ERO1A: variants seen among roughly 807,000 people sequenced by gnomAD.
The protein encoded by ERO1A is endoplasmic reticulum oxidoreductase 1 alpha, also known as ERO1-like protein alpha.
In ERO1A, 49 loss-of-function variants were observed where a neutral mutation model predicts 76.9. That is an observed-to-expected ratio of 0.64 (90% CI 0.51 to 0.81). ERO1A has a LOEUF of 0.81. ERO1A is among the 30% of genes least tolerant of loss of function. The pLI, the probability that ERO1A is intolerant of heterozygous loss-of-function variation, is 0.00. For missense variants in ERO1A, 448 were observed against 542.1 expected (o/e 0.83, Z 1.72); for synonymous variants, 174 against 181.2 (o/e 0.96, Z 0.32).
At position 52,661,279 on chromosome 14, in the gene ERO1A, TA is replaced by T; in HGVS notation, c.688+13del. ...ACAAATTCATATATGTAATATATAA[TA>T]AATTATACTTACCTTCACTTGTCCC... On this transcript the variant is annotated intron_variant, in intron 9 of 15. Transcript: ENST00000395686. The T allele has an allele frequency of 1.7e-6, 2 of 1,165,652 alleles. No individual in the cohort carries two copies. The highest frequency in any genetic ancestry group is 2.6e-5 in the Admixed American group (1 of 38,650). The allele number at this position is 1,165,652 out of a possible 1,614,324, so 72.2% of individuals were successfully genotyped here.
In ERO1A at chr14:52,682,404, TTTACCTGTA is replaced by T; in HGVS notation, c.235-5_238del. On this transcript the variant is annotated splice_acceptor_variant and splice_polypyrimidine_tract_variant and coding_sequence_variant and intron_variant, in exon 3 of 16. Transcript: ENST00000395686. LOFTEE classifies it high-confidence loss of function. ...CCAGAAAGGACACGGCCTCTTCAGG[TTTACCTGTA>T]AAATAATAATAGAAAAAAAATTATA... 1 of 1,600,728 alleles carries T rather than the reference TTTACCTGTA, an allele frequency of 6.2e-7. No homozygotes were observed. Among genetic ancestry groups the T allele is most frequent in the Non-Finnish European group, 8.5e-7 (1 of 1,172,274 alleles).
At position 52,683,826 on chromosome 14, in the gene ERO1A, G is replaced by A; in HGVS notation, c.196C>T (p.Gln66Ter). 1 of 1,560,256 alleles carries A rather than the reference G, an allele frequency of 6.4e-7. No individual in the cohort carries two copies. ...FNNYRLFPRL[Q>*]KLLESDYFRY... is the part of the protein sequence containing the mutation. ...AAGTAGTCACTTTCAAGAAGTTTTT[G>A]TAGTCTTGGGAAAAGCCTGTAGTTA... Residue 66 changes from glutamine to a stop codon, truncating the protein, a stop_gained, in exon 2 of 16, where the codon CAA becomes TAA. Coordinates refer to ENST00000395686, the MANE Select transcript of ERO1A (RefSeq NM_014584.3). LOFTEE classifies it high-confidence loss of function.
At chr14:52,655,145 T>A (rs576800955) in intron 11 of ERO1A, among the ~76,000 whole-genome samples, 1 of 152,258 alleles carries the variant, frequency 6.6e-6, no homozygotes, top group Non-Finnish European at 1.5e-5. Flanking sequence ...GGCAGGTGGA[T>A]CACGAGGTCA....
chr14:52,665,173 G>T (rs936573126), intron 7 of ERO1A, among the ~76,000 whole-genome samples: 1 of 151,574 alleles, frequency 6.6e-6, no homozygotes, highest in Non-Finnish European at 1.5e-5. Context: ...GTGGTGGCGT[G>T]TGCCTGTAGT....
intron 1 of ERO1A, among the ~76,000 whole-genome samples, chr14:52,685,944 T>C (rs893597151): frequency 6.6e-6 from 1 of 152,172 alleles, no homozygotes; most frequent in African/African-American, 2.4e-5. Flanking sequence ...TCAATAATTA[T>C]TTGTGGCCTG....
rs183690864 is a variant in ERO1A at position 52,684,823 on chromosome 14, G to A, written c.115-916C>T. 3.4e-3 allele frequency among the ~76,000 whole-genome samples: 513 copies of A among 150,244 alleles called. 5 individuals carry two copies. Among genetic ancestry groups the A allele is most frequent in the African/African-American group, 0.012 (503 of 40,858 alleles). ...TCTTTTTTTTTCTTTTTTCACCAGTGTTACTTGCCAAATTAAACTAAAATT... is the reference window on the plus strand; with the variant it reads ...TCTTTTTTTTTCTTTTTTCACCAGTATTACTTGCCAAATTAAACTAAAATT... On this transcript the variant is annotated intron_variant, in intron 1 of 15. Transcript: ENST00000395686.
chr14:52,641,136 GA>G lies in ERO1A; in HGVS notation c.*2433del, dbSNP rs1270581677. On this transcript the variant is annotated 3_prime_UTR_variant, in exon 16 of 16. Coordinates refer to ENST00000395686, the MANE Select transcript of ERO1A (RefSeq NM_014584.3). ...GGGGTTGTCAAAAATGTCAAATACA[GA>G]AAAAAAGTCAAGTACTAGCTTGTGA... 1 of 151,834 alleles carries G rather than the reference GA, an allele frequency of 6.6e-6. No individual in the cohort carries two copies. The highest frequency in any genetic ancestry group is 1.5e-5 in the Non-Finnish European group (1 of 67,930). 9.4% of individuals were successfully genotyped at this position (151,834 alleles called of 1,614,324 possible).
rs904981842 is a variant in ERO1A at position 52,642,210 on chromosome 14, A to G, written c.*1360T>C. 1.3e-5 allele frequency: 2 copies of G among 152,148 alleles called. No homozygotes were observed. Among genetic ancestry groups the G allele is most frequent in the African/African-American group, 4.8e-5 (2 of 41,428 alleles). 9.4% of individuals were successfully genotyped at this position (152,148 alleles called of 1,614,324 possible). Reference sequence around the variant, plus strand: ...CCAAAATTACAGTTCAGTTTTAGGGAGACAAAGGAAATGAACTTCGGGTAT... The same window carrying G: ...CCAAAATTACAGTTCAGTTTTAGGGGGACAAAGGAAATGAACTTCGGGTAT... On this transcript the variant is annotated 3_prime_UTR_variant, in exon 16 of 16. Transcript: ENST00000395686.
At chr14:52,672,613 A>T (rs1415924957) in intron 4 of ERO1A, among the ~76,000 whole-genome samples, 2 of 151,916 alleles carry the variant, frequency 1.3e-5, no homozygotes. Flanking sequence ...TACAAAAAAA[A>T]ATTTTAATTA....
intron 3 of ERO1A, among the ~76,000 whole-genome samples, chr14:52,679,948 T>A (rs1405542564): frequency 6.6e-6 from 1 of 151,866 alleles, no homozygotes; most frequent in East Asian, 2.0e-4. Flanking sequence ...TAGTCCCAGG[T>A]ACTCAGGAGG....
In ERO1A at chr14:52,650,509, CAAT is replaced by C. The variant is rs772027373; in HGVS notation, c.1125+1727_1125+1729del. Among the ~76,000 whole-genome samples, 83 of 149,384 alleles carry C rather than the reference CAAT, an allele frequency of 5.6e-4. 1 individual carries two copies. The highest frequency in any genetic ancestry group is 9.9e-4 in the Non-Finnish European group (67 of 67,416). ...CCTACTTAAAAAAAAAAAAACTACT[CAAT>C]AATATTACTCTACAAAGATTCTGTG... On this transcript the variant is annotated intron_variant, in intron 13 of 15. Coordinates refer to ENST00000395686, the MANE Select transcript of ERO1A (RefSeq NM_014584.3).
At chr14:52,652,119 ACTG>A in intron 13 of ERO1A, 117 bp downstream of exon 13, 1 of 528,350 alleles carries the variant, frequency 1.9e-6, no homozygotes, top group Non-Finnish European at 3.3e-6. Context: ...GGCCTGAGCC[ACTG>A]CCCCTGGCCT....
At chr14:52,665,913 C>T (rs2040397353) in intron 7 of ERO1A, among the ~76,000 whole-genome samples, 2 of 152,196 alleles carry the variant, frequency 1.3e-5, no homozygotes, top group Admixed American at 6.6e-5. Flanking sequence ...GCCTAGAATA[C>T]AGTGAGTGCT....
chr14:52,659,876 C>T (rs529117872), intron 9 of ERO1A, among the ~76,000 whole-genome samples: 19 of 151,964 alleles, frequency 1.3e-4, no homozygotes, highest in Non-Finnish European at 2.4e-4. Context: ...CTCTGTTACC[C>T]AGGCTGGAGG....
chr14:52,686,557 C>T (rs185583369), intron 1 of ERO1A, among the ~76,000 whole-genome samples: 130 of 149,082 alleles, frequency 8.7e-4, no homozygotes, highest in African/African-American at 3.2e-3. Flanking sequence ...GGAAAGAAGG[C>T]AGGATAAATG....
rs757484727 is a variant in ERO1A, at chr14:52,652,257, T to C, written c.1107A>G (p.Lys369=). The change falls in exon 13 of 16, where the codon AAA becomes AAG. Residue 369 remains lysine (K), a synonymous_variant. Transcript: ENST00000395686. ...DENSFFAGDK[K]EAHKLKEDFR... is the part of the protein sequence containing the mutation. ...TAATTACCTTTAGTTTGTGTGCTTC[T>C]TTTTTATCCCCAGCAAAAAATGAAT... 73 of 1,607,178 alleles carry C rather than the reference T, an allele frequency of 4.5e-5. No homozygotes were observed. The highest frequency in any genetic ancestry group is 5.8e-5 in the Non-Finnish European group (68 of 1,173,802).
At chr14:52,688,690 G>T (rs1241814113) in intron 1 of ERO1A, among the ~76,000 whole-genome samples, 2 of 152,078 alleles carry the variant, frequency 1.3e-5, no homozygotes, top group African/African-American at 4.8e-5. Flanking sequence ...ATGGAACAAA[G>T]AACTAGATAA....
intron 13 of ERO1A, among the ~76,000 whole-genome samples, chr14:52,650,990 G>C (rs1042594391): frequency 6.6e-6 from 1 of 151,936 alleles, no homozygotes; most frequent in Non-Finnish European, 1.5e-5. Context: ...TGAACGGCAG[G>C]GGGTGCAATG....
chr14:52,660,548 A>G (rs1406912635), intron 9 of ERO1A, among the ~76,000 whole-genome samples: 3 of 152,362 alleles, frequency 2.0e-5, no homozygotes, highest in South Asian at 4.1e-4. Context: ...TTTAGCTGCT[A>G]CAGTTAATAT....
Sources: gnomAD v4.1 joint callset for allele counts (sites outside exome capture counted in the v4.1 genomes callset) on GRCh38, gnomAD v4.1.1 for gene constraint, MANE v1.5 for transcripts, NCBI Gene and HGNC (gene_info 2026-07-23, HGNC 2026-07-21) for gene names.